DOCK9: variants seen among roughly 807,000 people sequenced by gnomAD.
DOCK9 encodes the protein dedicator of cytokinesis 9.
Under a neutral mutation model 263.3 loss-of-function variants are expected in DOCK9, and 89 were observed. That is an observed-to-expected ratio of 0.34 (90% CI 0.28 to 0.40). The LOEUF (loss-of-function observed/expected upper bound fraction) is 0.40, where lower values mean the gene tolerates loss of function less well. DOCK9 is among the 10% of genes least tolerant of loss of function. The probability of loss-of-function intolerance (pLI) is 1.00; values close to 1 mark genes in which losing one functional copy is unlikely to be tolerated. For missense variants in DOCK9, 2,140 were observed against 2,603.4 expected (o/e 0.82, Z 3.87); for synonymous variants, 976 against 973.1 (o/e 1.00, Z -0.06).
rs572512604 is a variant in DOCK9, at chr13:99,002,682, G to A, written c.130-47131C>T. ...ATCTTTTTCTCACTCTTCCACTGTC[G>A]TGGGGTTTGCTCATTTCTGAGAACT... is the stretch of plus-strand genomic sequence containing the variant. On this transcript the variant is annotated intron_variant, in intron 1 of 32. Transcript: ENST00000427887. 7.2e-5 allele frequency among the ~76,000 whole-genome samples: 11 copies of A among 152,226 alleles called. No homozygotes were observed. In the South Asian group the frequency reaches 1.7e-3, roughly 23 times the overall value.
At chr13:98,863,837 A>G (rs528265890) in intron 30 of DOCK9, among the ~76,000 whole-genome samples, 2 of 152,362 alleles carry the variant, frequency 1.3e-5, no homozygotes, top group South Asian at 4.1e-4. Context: ...GAACAGTTTA[A>G]GTACCAATTT....
Position 99,032,618 on chromosome 13 carries a change from TATGACATAAATTTATTAATTTAC to T in DOCK9, c.129+53582_129+53604del, listed in dbSNP as rs767128451. On this transcript the variant is annotated intron_variant, in intron 1 of 32. Coordinates refer to the DOCK9 transcript ENST00000427887. Reference sequence around the variant, plus strand: ...GAAGTACTATAAATTTATTAATTTATATGACATAAATTTATTAATTTACATGACATAAATTTATTAATTTACAT... The same window carrying T: ...GAAGTACTATAAATTTATTAATTTATATGACATAAATTTATTAATTTACAT... Among the ~76,000 whole-genome samples the T allele has an allele frequency of 2.8e-3, 427 of 151,032 alleles. 3 individuals carry two copies. Among genetic ancestry groups the T allele is most frequent in the Non-Finnish European group, 4.3e-3 (287 of 67,518 alleles).
intron 1 of DOCK9, among the ~76,000 whole-genome samples, chr13:98,968,811 A>G (rs1227122281): frequency 6.6e-6 from 1 of 152,228 alleles, no homozygotes; most frequent in Non-Finnish European, 1.5e-5. Flanking sequence ...CATCAGAGAT[A>G]AAAGTTAGGT....
chr13:98,865,346 G>A (rs992754024), intron 30 of DOCK9, among the ~76,000 whole-genome samples: 10 of 152,122 alleles, frequency 6.6e-5, no homozygotes, highest in African/African-American at 2.4e-4. Flanking sequence ...TGCTGGGATT[G>A]TAAGTGCGAG....
At chr13:98,817,887 A>C (rs895042223) in intron 45 of DOCK9, among the ~76,000 whole-genome samples, 1 of 152,110 alleles carries the variant, frequency 6.6e-6, no homozygotes. Context: ...TTATGAAATA[A>C]GTCTCACAAT....
chr13:98,868,129 C>T (rs2094090111), intron 28 of DOCK9, 102 bp downstream of exon 28: 1 of 1,543,738 alleles, frequency 6.5e-7, no homozygotes. Flanking sequence ...ATGCCATCAA[C>T]ATTGCCAGAG....
At chr13:98,797,567 C>T in intron 50 of DOCK9, 78 bp from the exon 51 acceptor site, 13 of 1,304,038 alleles carry the variant, frequency 1.0e-5, no homozygotes, top group Non-Finnish European at 1.3e-5. Context: ...AGTTTGCAGG[C>T]ACTAAAAAGC....
intron 34 of DOCK9, 65 bp from the exon 35 acceptor site, chr13:98,853,587 C>T (rs764134011): frequency 4.3e-6 from 5 of 1,165,922 alleles, no homozygotes; most frequent in Non-Finnish European, 6.4e-6. Flanking sequence ...TCCCTTTTCT[C>T]CCTTGGAAGA....
chr13:98,991,839 GT>G (rs1471463153), intron 1 of DOCK9, among the ~76,000 whole-genome samples: 2 of 151,688 alleles, frequency 1.3e-5, no homozygotes, highest in East Asian at 1.9e-4. Context: ...CAAGAAAAAA[GT>G]AAAAAAAAAT....
rs370963218 is a variant in DOCK9 at position 99,008,185 on chromosome 13, C to CCTCTCTCTCTCT, written c.130-52646_130-52635dup. On this transcript the variant is annotated intron_variant, in intron 1 of 32. Transcript: ENST00000427887. ...CAGATGTTTATGATATATTGTGCAGCCTCTCTCTCTCTCTCTCTCTCTCTC... is the reference window on the plus strand; with the variant it reads ...CAGATGTTTATGATATATTGTGCAGCCTCTCTCTCTCTCTCTCTCTCTCTCTCTCTCTCTCTC... Among the ~76,000 whole-genome samples, 16 of 100,984 alleles carry CCTCTCTCTCTCT rather than the reference C, an allele frequency of 1.6e-4. No individual in the cohort carries two copies. In the South Asian group the frequency reaches 2.0e-3, roughly 13 times the overall value. 66.2% of individuals were successfully genotyped at this position (100,984 alleles called of 152,430 possible). A position where few individuals can be genotyped will look rare whatever the true frequency, so the allele number is the denominator to read the frequency against.
intron 1 of DOCK9, among the ~76,000 whole-genome samples, chr13:99,033,536 T>C (rs1215576987): frequency 6.6e-6 from 1 of 152,232 alleles, no homozygotes; most frequent in Non-Finnish European, 1.5e-5. Flanking sequence ...TTGTAGACAC[T>C]GTCAGCGAGT....
chr13:99,080,858 G>A (rs1345284515), intron 1 of DOCK9, among the ~76,000 whole-genome samples: 2 of 152,154 alleles, frequency 1.3e-5, no homozygotes, highest in Non-Finnish European at 2.9e-5. Context: ...CACGGGCAAG[G>A]GCCTACTCTG....
intron 3 of DOCK9, among the ~76,000 whole-genome samples, chr13:98,928,984 G>T: frequency 6.6e-6 from 1 of 151,880 alleles, no homozygotes; most frequent in South Asian, 2.1e-4. Context: ...AAATCTCAAT[G>T]GAAATTAAAT....
At chr13:98,952,846 T>C (rs1595597777) in intron 2 of DOCK9, among the ~76,000 whole-genome samples, 1 of 152,246 alleles carries the variant, frequency 6.6e-6, no homozygotes, top group East Asian at 1.9e-4. Context: ...AGTTAACTTA[T>C]ACTGCTAAAT....
intron 3 of DOCK9, among the ~76,000 whole-genome samples, chr13:98,927,812 G>C (rs2053246720): frequency 6.6e-6 from 1 of 151,754 alleles, no homozygotes; most frequent in South Asian, 2.1e-4. Context: ...GTAGAGACAG[G>C]GTTTCACAAT....
chr13:99,031,802 T>G (rs186038689), intron 1 of DOCK9, among the ~76,000 whole-genome samples: 1 of 152,202 alleles, frequency 6.6e-6, no homozygotes, highest in Admixed American at 6.5e-5. Flanking sequence ...CCATGGAAGA[T>G]GAGGAATTAT....
intron 1 of DOCK9, among the ~76,000 whole-genome samples, chr13:98,996,148 C>A (rs934266935): frequency 6.6e-5 from 10 of 152,150 alleles, no homozygotes; most frequent in African/African-American, 2.4e-4. Flanking sequence ...CAGATGCAAA[C>A]AGAGATGACC....
intron 19 of DOCK9, 27 bp from the exon 20 acceptor site, chr13:98,885,858 A>G: frequency 1.9e-6 from 3 of 1,583,164 alleles, no homozygotes; most frequent in Non-Finnish European, 2.6e-6. Context: ...AATAACAACA[A>G]AATATTCTAA....
intron 15 of DOCK9, among the ~76,000 whole-genome samples, chr13:98,890,367 C>A (rs1477265949): frequency 6.6e-6 from 1 of 152,160 alleles, no homozygotes; most frequent in African/African-American, 2.4e-5. Flanking sequence ...GTGTGCAGCG[C>A]TTCTTTGACT....
Sources: allele counts gnomAD v4.1 joint callset (sites outside exome capture counted in the v4.1 genomes callset), GRCh38; gene constraint gnomAD v4.1.1; transcripts MANE v1.5; gene names NCBI Gene and HGNC (gene_info 2026-07-23, HGNC 2026-07-21).